The following DIP2A variants were observed in gnomAD, a reference collection of about 807,000 sequenced individuals.
The protein encoded by DIP2A is DIP2 acetate--CoA ligase A, also known as disco-interacting protein 2 homolog A.
In DIP2A, 85 loss-of-function variants were observed where a neutral mutation model predicts 177.4. That is an observed-to-expected ratio of 0.48 (90% CI 0.40 to 0.57). DIP2A has a LOEUF of 0.57. Ranked by LOEUF, DIP2A falls within the 20% of genes least tolerant of loss-of-function variation. The pLI, the probability that DIP2A is intolerant of heterozygous loss-of-function variation, is 0.00. For synonymous variants in DIP2A, 886 were observed against 881.8 expected (o/e 1.00, Z -0.08); for missense variants, 1,791 against 2,100.2 (o/e 0.85, Z 2.88).
At chr21:46,539,703 C>CT in intron 16 of DIP2A, 174 bp from the exon 17 acceptor site, 1 of 649,602 alleles carries the variant, frequency 1.5e-6, no homozygotes, top group East Asian at 2.8e-5. Flanking sequence ...AAGATACCAT[C>CT]TTCCTTGAAG....
At chr21:46,564,169 T>C (rs979178602) in intron 35 of DIP2A, among the ~76,000 whole-genome samples, 2 of 152,152 alleles carry the variant, frequency 1.3e-5, no homozygotes, top group African/African-American at 4.8e-5. Flanking sequence ...ACCCCTAGGT[T>C]TGAGGGCACT....
At chr21:46,486,212 A>G (rs2148447210) in intron 2 of DIP2A, among the ~76,000 whole-genome samples, 1 of 152,180 alleles carries the variant, frequency 6.6e-6, no homozygotes, top group Non-Finnish European at 1.5e-5. Context: ...ATGTATGATG[A>G]TTGCACATAA....
chr21:46,529,035 A>G (rs1327483559), intron 8 of DIP2A, 57 bp from the exon 9 acceptor site: 51 of 1,160,402 alleles, frequency 4.4e-5, no homozygotes, highest in Non-Finnish European at 5.9e-5. Flanking sequence ...CTACATTAAA[A>G]TGTTAATTAC....
chr21:46,488,320 T>G (rs2056809037), intron 2 of DIP2A, among the ~76,000 whole-genome samples: 1 of 152,108 alleles, frequency 6.6e-6, no homozygotes, highest in Non-Finnish European at 1.5e-5. Flanking sequence ...AACACCCCTT[T>G]GAGTAGGAAT....
chr21:46,500,540 C>G (rs2057593429), intron 5 of DIP2A, among the ~76,000 whole-genome samples: 1 of 152,218 alleles, frequency 6.6e-6, no homozygotes, highest in Non-Finnish European at 1.5e-5. Flanking sequence ...TTTAAATGTT[C>G]TGTTACCTCA....
Position 46,509,248 on chromosome 21 carries a change from C to A in DIP2A, c.785-9C>A. ...TGGCCTCAGTGCTCCTCTGTCCTTCCCGTGACAGGTGTCCCTGTGAACAGC... is the reference window on the plus strand; with the variant it reads ...TGGCCTCAGTGCTCCTCTGTCCTTCACGTGACAGGTGTCCCTGTGAACAGC... On this transcript the variant is annotated splice_polypyrimidine_tract_variant and intron_variant, in intron 6 of 37. Coordinates refer to ENST00000417564, the MANE Select transcript of DIP2A (RefSeq NM_015151.4). The A allele has an allele frequency of 6.2e-7, 1 of 1,609,930 alleles. No homozygotes were observed. The highest frequency in any genetic ancestry group is 1.1e-5 in the South Asian group (1 of 90,416).
chr21:46,503,636 C>G (rs1039274976), intron 5 of DIP2A, among the ~76,000 whole-genome samples: 1 of 112,326 alleles, frequency 8.9e-6, no homozygotes. Context: ...TTCTTTCTTT[C>G]CTTTCTTTCT....
chr21:46,574,945 C>T (rs1186643738), downstream of DIP2A, among the ~76,000 whole-genome samples: 1 of 152,076 alleles, frequency 6.6e-6, no homozygotes, highest in Non-Finnish European at 1.5e-5. Flanking sequence ...AAGCATTATC[C>T]TGATACTGGA....
chr21:46,503,649 CT>C (rs1344545745), intron 5 of DIP2A, among the ~76,000 whole-genome samples: 3,241 of 100,836 alleles, frequency 0.032, 103 homozygotes, highest in African/African-American at 0.087. Context: ...TTCTTTCTTT[CT>C]TTTTCTTTCT....
At chr21:46,491,594 G>A (rs1182548627) in intron 3 of DIP2A, among the ~76,000 whole-genome samples, 2 of 152,042 alleles carry the variant, frequency 1.3e-5, no homozygotes, top group African/African-American at 4.8e-5. Context: ...CAAATTTAAG[G>A]ACAAAGTTAA....
intron 21 of DIP2A, chr21:46,547,284 G>T: frequency 8.3e-7 from 1 of 1,210,276 alleles, no homozygotes; most frequent in Non-Finnish European, 1.0e-6. Context: ...GTAAAATTTG[G>T]GGCAAAGGCT....
rs946883956 is a variant in DIP2A, at chr21:46,563,162, C to T, written c.4090-696C>T. Among the ~76,000 whole-genome samples, 4 of 152,154 alleles carry T rather than the reference C, an allele frequency of 2.6e-5. No individual in the cohort carries two copies. Among genetic ancestry groups the T allele is most frequent in the African/African-American group, 4.8e-5 (2 of 41,428 alleles). ...GGGAAACAGAACAGTCCCACTCCGC[C>T]GGGGAGGGTCTGGCGGTAACCGTAG... On this transcript the variant is annotated intron_variant, in intron 34 of 37. Transcript: ENST00000417564. The surrounding 1 kb of genome is among the most constrained non-coding windows in gnomAD (Gnocchi z 4.3).
chr21:46,478,973 A>G (rs185663218), intron 1 of DIP2A, among the ~76,000 whole-genome samples: 16 of 152,320 alleles, frequency 1.1e-4, no homozygotes, highest in Admixed American at 3.3e-4. Flanking sequence ...TCTGGTAGGT[A>G]GATAGGTTGG....
chr21:46,579,367 T>G, the DIP2A span, among the ~76,000 whole-genome samples: 2 of 152,164 alleles, frequency 1.3e-5, no homozygotes, highest in African/African-American at 4.8e-5. Flanking sequence ...TAGCTAGCAG[T>G]CTATCTATTT....
At chr21:46,533,681 C>G in intron 11 of DIP2A, 34 bp downstream of exon 11, 3 of 1,613,620 alleles carry the variant, frequency 1.9e-6, no homozygotes. Context: ...AGTCAGTGTT[C>G]TGACTGTGGT....
intron 9 of DIP2A, 47 bp from the exon 10 acceptor site, chr21:46,532,080 T>G: frequency 6.5e-7 from 1 of 1,547,770 alleles, no homozygotes; most frequent in Non-Finnish European, 8.8e-7. Flanking sequence ...AACTAGATAT[T>G]GTAAAAATTG....
chr21:46,529,382 C>T (rs1423563562), intron 9 of DIP2A, among the ~76,000 whole-genome samples, 199 bp downstream of exon 9: 4 of 152,094 alleles, frequency 2.6e-5, no homozygotes, highest in Non-Finnish European at 5.9e-5. Context: ...AGCGGATTGC[C>T]TGAGCTCAGG....
At chr21:46,510,921 C>T (rs1179580491) in intron 7 of DIP2A, among the ~76,000 whole-genome samples, 1 of 152,158 alleles carries the variant, frequency 6.6e-6, no homozygotes, top group Non-Finnish European at 1.5e-5. Flanking sequence ...GCATGAGCCA[C>T]CACGCCCAGC....
At position 46,550,727 on chromosome 21, in the gene DIP2A, C is replaced by G. The variant is rs1334309254; in HGVS notation, c.2822C>G (p.Pro941Arg). ...ACCTGTGTTACCAACCTCCCCAAAC[C>G]TCGTCAGAAACAACCAGGTTAGTTG... Reference protein sequence around the residue: ...PHTCVTNLPKPRQKQPEVGPA... With the variant: ...PHTCVTNLPKRRQKQPEVGPA... The change falls in exon 23 of 38, where the codon CCT (proline) becomes CGT (arginine). Residue 941 changes from proline to arginine, a missense_variant. Pro to Arg is a moderately radical substitution (Grantham distance 103). Coordinates refer to ENST00000417564, the MANE Select transcript of DIP2A (RefSeq NM_015151.4). 1 of 1,614,036 alleles carries G rather than the reference C, an allele frequency of 6.2e-7. No individual in the cohort carries two copies. Among genetic ancestry groups the G allele is most frequent in the Admixed American group, 1.7e-5 (1 of 60,034 alleles).
Sources: gnomAD v4.1 joint callset for allele counts (sites outside exome capture counted in the v4.1 genomes callset) on GRCh38, gnomAD v4.1.1 for gene constraint, Gnocchi (gnomAD v3.1) non-coding constraint, MANE v1.5 for transcripts, NCBI Gene and HGNC (gene_info 2026-07-23, HGNC 2026-07-21) for gene names.